Variants in ME3 observed in about 807,000 individuals in gnomAD.
ME3 encodes malic enzyme 3.
ME3 carries 48 observed loss-of-function variants against 68.9 expected under a neutral mutation model. That is an observed-to-expected ratio of 0.70 (90% confidence interval 0.55 to 0.89). ME3 has a LOEUF of 0.89. ME3 is among the 40% of genes least tolerant of loss of function. The pLI is 0.00. For synonymous variants in ME3, 320 were observed against 318.8 expected, an observed-to-expected ratio of 1.00 and a Z score of -0.04; for missense variants, 675 against 797.4, an observed-to-expected ratio of 0.85 and a Z score of 1.85.
chr11:86,501,375 A>G (rs1952713068), intron 5 of ME3, among the ~76,000 whole-genome samples: 1 of 152,180 alleles, frequency 6.6e-6, no homozygotes, highest in Non-Finnish European at 1.5e-5. Context: ...TCTCCAGTTT[A>G]TCATTAACAC....
chr11:86,663,477 C>T, intron 2 of ME3, among the ~76,000 whole-genome samples: 1 of 152,186 alleles, frequency 6.6e-6, no homozygotes, highest in Non-Finnish European at 1.5e-5. Flanking sequence ...AATCATAGAG[C>T]ATCTTTTGTG....
chr11:86,464,836 A>G (rs1565814413), intron 8 of ME3, among the ~76,000 whole-genome samples: 1 of 152,382 alleles, frequency 6.6e-6, no homozygotes, highest in South Asian at 2.1e-4. Context: ...AATTTCTTAC[A>G]TACATTAAAT....
intron 2 of ME3, among the ~76,000 whole-genome samples, chr11:86,665,048 A>C (rs769856057): frequency 6.6e-6 from 1 of 152,196 alleles, no homozygotes; most frequent in African/African-American, 2.4e-5. Flanking sequence ...GGGCCTTGGC[A>C]AAAGGCAGGG....
intron 7 of ME3, among the ~76,000 whole-genome samples, chr11:86,469,067 A>T (rs968836227): frequency 6.6e-6 from 1 of 152,228 alleles, no homozygotes; most frequent in Non-Finnish European, 1.5e-5. Context: ...GTTCTTAAAA[A>T]AAAAAGCTAA....
At chr11:86,449,827 C>A in intron 10 of ME3, 62 bp downstream of exon 10, 1 of 1,256,574 alleles carries the variant, frequency 8.0e-7, no homozygotes, top group South Asian at 1.3e-5. Context: ...AGACCTCTTC[C>A]AGTCCAGTTC....
At chr11:86,550,545 C>T (rs143189373) in intron 4 of ME3, among the ~76,000 whole-genome samples, 80 of 152,294 alleles carry the variant, frequency 5.3e-4, no homozygotes, top group African/African-American at 9.1e-4. Context: ...TACTCAAGGA[C>T]GCCTTTCCAG....
chr11:86,643,396 T>C (rs75624941), intron 2 of ME3, among the ~76,000 whole-genome samples: 5,946 of 152,148 alleles, frequency 0.039, 150 homozygotes, highest in Non-Finnish European at 0.059. Context: ...TCTCAAACCA[T>C]ACAGTTTTGC....
chr11:86,601,192 T>G (rs1367220143), intron 2 of ME3, among the ~76,000 whole-genome samples: 4 of 151,210 alleles, frequency 2.6e-5, no homozygotes, highest in East Asian at 1.9e-4. Flanking sequence ...TCAACAAAAT[T>G]GATAGACTGC....
intron 2 of ME3, among the ~76,000 whole-genome samples, chr11:86,662,843 G>C (rs1175541543): frequency 6.6e-6 from 1 of 152,164 alleles, no homozygotes; most frequent in Non-Finnish European, 1.5e-5. Context: ...CAAAACCAGA[G>C]AAAGAAGAAT....
intron 2 of ME3, among the ~76,000 whole-genome samples, chr11:86,636,153 T>G (rs77220599): frequency 0.083 from 12,661 of 152,158 alleles, 576 homozygotes; most frequent in Non-Finnish European, 0.11. Flanking sequence ...AGTGTAGTGG[T>G]AAATGTGTTG....
intron 2 of ME3, among the ~76,000 whole-genome samples, chr11:86,574,346 A>G (rs993133604): frequency 8.0e-6 from 1 of 125,390 alleles, no homozygotes; most frequent in African/African-American, 3.0e-5. Flanking sequence ...TCCCGGATTT[A>G]TCTACCTTTG....
At chr11:86,474,439 G>A (rs1024307771) in intron 7 of ME3, among the ~76,000 whole-genome samples, 5 of 152,272 alleles carry the variant, frequency 3.3e-5, no homozygotes, top group East Asian at 1.9e-4. Flanking sequence ...CTGGGGAGGG[G>A]ATGGTGGCTG....
chr11:86,669,222 G>A (rs1177716264), intron 2 of ME3, among the ~76,000 whole-genome samples: 1 of 152,186 alleles, frequency 6.6e-6, no homozygotes, highest in Non-Finnish European at 1.5e-5. Context: ...GTGAATAGGG[G>A]ATGCCAACAG....
At chr11:86,594,550 C>A (rs1959185946) in intron 2 of ME3, among the ~76,000 whole-genome samples, 1 of 145,238 alleles carries the variant, frequency 6.9e-6, no homozygotes, top group South Asian at 2.3e-4. Flanking sequence ...AAAAAATCAG[C>A]CAGGTGTGGT....
intron 3 of ME3, among the ~76,000 whole-genome samples, chr11:86,558,301 G>A (rs1218194246): frequency 2.0e-5 from 3 of 152,222 alleles, no homozygotes; most frequent in Non-Finnish European, 4.4e-5. Flanking sequence ...CATCCTGTTA[G>A]TTGATTTCAT....
intron 4 of ME3, 34 bp downstream of exon 4, chr11:86,556,519 C>T: frequency 1.3e-6 from 2 of 1,599,168 alleles, no homozygotes; most frequent in Non-Finnish European, 1.7e-6. Context: ...TATGAGGCAG[C>T]CCCTCCCAGA....
chr11:86,667,568 C>T (rs609885), intron 2 of ME3, among the ~76,000 whole-genome samples: 29,433 of 152,138 alleles, frequency 0.19, 2,974 homozygotes, highest in African/African-American at 0.24. Context: ...CATTTCAAGT[C>T]AGACAGAGCT....
chr11:86,601,715 G>A (rs1284525049), intron 2 of ME3, among the ~76,000 whole-genome samples: 2 of 151,738 alleles, frequency 1.3e-5, no homozygotes, highest in Non-Finnish European at 2.9e-5. Flanking sequence ...TAAAATACTG[G>A]CAAAGTGAAT....
At chr11:86,499,468 G>A (rs898883387) in intron 5 of ME3, among the ~76,000 whole-genome samples, 1 of 152,108 alleles carries the variant, frequency 6.6e-6, no homozygotes, top group African/African-American at 2.4e-5. Flanking sequence ...ATGTCCTGAT[G>A]GGCTATGAAC....
Sources: gnomAD v4.1 joint callset for allele counts (sites outside exome capture counted in the v4.1 genomes callset) on GRCh38, gnomAD v4.1.1 for gene constraint, MANE v1.5 for transcripts, NCBI Gene and HGNC (gene_info 2026-07-23, HGNC 2026-07-21) for gene names.